RNF180: variants seen among roughly 807,000 people sequenced by gnomAD.
The protein encoded by RNF180 is E3 ubiquitin-protein ligase RNF180.
RNF180 carries 38 observed loss-of-function variants against 59.2 expected under a neutral mutation model. That is an observed-to-expected ratio of 0.64 (90% confidence interval 0.50 to 0.84). RNF180 has a LOEUF of 0.84. RNF180 is among the 40% of genes least tolerant of loss of function. The pLI, the probability that RNF180 is intolerant of heterozygous loss-of-function variation, is 0.00. For synonymous variants in RNF180, 262 were observed against 240.3 expected (o/e 1.09, Z -0.84); for missense variants, 705 against 700.9 (o/e 1.01, Z -0.07).
chr5:64,169,243 A>C (rs1749811677), intron 1 of RNF180, among the ~76,000 whole-genome samples: 1 of 152,176 alleles, frequency 6.6e-6, no homozygotes, highest in Admixed American at 6.5e-5. Flanking sequence ...TCCTGTTGTA[A>C]ATATTATTTA....
chr5:64,330,497 G>C (rs1429297368), intron 7 of RNF180, 91 bp downstream of exon 7: 9 of 1,178,142 alleles, frequency 7.6e-6, no homozygotes, highest in Non-Finnish European at 1.1e-5. Flanking sequence ...GAAATATTAG[G>C]GGAAACATAT....
At chr5:64,288,608 C>T (rs986321897) in intron 5 of RNF180, among the ~76,000 whole-genome samples, 1 of 152,144 alleles carries the variant, frequency 6.6e-6, no homozygotes, top group East Asian at 1.9e-4. Context: ...AAGTCCTTCA[C>T]GTCCCTTGTT....
intron 5 of RNF180, among the ~76,000 whole-genome samples, chr5:64,323,803 A>G (rs1278923288): frequency 3.3e-5 from 5 of 152,170 alleles, no homozygotes; most frequent in East Asian, 1.9e-4. Flanking sequence ...CCTCACAGCA[A>G]TTTCACAAAT....
rs1477955091 is a variant in RNF180, at chr5:64,346,645, C to G, written c.1579+16239C>G. 2.0e-5 allele frequency among the ~76,000 whole-genome samples: 3 copies of G among 152,200 alleles called. No individual in the cohort carries two copies. In the East Asian group the frequency reaches 5.8e-4, roughly 30 times the overall value. ...TCGGCCTCCCAAAGTGCTGGGATTACAAGCATGAGCCACTGTCCCTGGCCT... is the reference window on the plus strand; with the variant it reads ...TCGGCCTCCCAAAGTGCTGGGATTAGAAGCATGAGCCACTGTCCCTGGCCT... On this transcript the variant is annotated intron_variant, in intron 7 of 7. Coordinates refer to ENST00000389100, the MANE Select transcript of RNF180 (RefSeq NM_001113561.2).
At position 64,325,218 on chromosome 5, in the gene RNF180, CAATG is replaced by C. The variant is rs760190394; in HGVS notation, c.1264_1267del (p.Glu422MetfsTer64). On this transcript the variant is annotated frameshift_variant, in exon 6 of 8. Transcript: ENST00000389100. LOFTEE classifies it high-confidence loss of function. ...ATAATGAGATGAGTACAGATGAAGA[CAATG>C]AATATGCAGAAGAAAAGGATAGCTA... 1 of 1,551,024 alleles carries C rather than the reference CAATG, an allele frequency of 6.4e-7. No homozygotes were observed. Among genetic ancestry groups the C allele is most frequent in the African/African-American group, 1.4e-5 (1 of 73,008 alleles).
intron 7 of RNF180, among the ~76,000 whole-genome samples, chr5:64,356,155 G>A (rs1746016010): frequency 6.6e-6 from 1 of 151,762 alleles, no homozygotes; most frequent in African/African-American, 2.4e-5. Context: ...AACTACTTGG[G>A]AGGCTGACAT....
intron 5 of RNF180, among the ~76,000 whole-genome samples, chr5:64,226,177 A>G (rs1055296858): frequency 1.2e-4 from 19 of 152,246 alleles, no homozygotes; most frequent in Admixed American, 1.0e-3. Flanking sequence ...AGAGGCAGCG[A>G]CCATCGAGAA....
Position 64,177,901 on chromosome 5 carries a change from A to G in RNF180, c.-1+11948A>G, listed in dbSNP as rs560472630. ...GACCATTACTGAAACCCACATGGAA[A>G]CTATGTAGAAAAGGCTGCCTGGGGC... On this transcript the variant is annotated intron_variant, in intron 1 of 7. Coordinates refer to ENST00000389100, the MANE Select transcript of RNF180 (RefSeq NM_001113561.2). 1.9e-4 allele frequency among the ~76,000 whole-genome samples: 29 copies of G among 152,194 alleles called. No homozygotes were observed. In the South Asian group the frequency reaches 6.0e-3, roughly 32 times the overall value.
chr5:64,189,381 G>T (rs1248771803), intron 1 of RNF180, among the ~76,000 whole-genome samples: 1 of 152,200 alleles, frequency 6.6e-6, no homozygotes. Flanking sequence ...TAGGAATGTG[G>T]ATGTTAAAGG....
rs1472460369 is a variant in RNF180, at chr5:64,213,906, A to T, written c.580A>T (p.Lys194Ter). 6.2e-7 allele frequency: 1 copy of T among 1,613,974 alleles called. No homozygotes were observed. The highest frequency in any genetic ancestry group is 8.5e-7 in the Non-Finnish European group (1 of 1,180,020). ...LEVRPTYFEM[K>*]NEKLLSKASE... ...GGTGCGACCAACATATTTTGAGATG[A>T]AGAACGAAAAACTGCTGTCCAAAGC... is the stretch of plus-strand genomic sequence containing the variant. The change falls in exon 4 of 8, where the codon AAG becomes TAG. Residue 194 changes from lysine (K) to a stop codon, truncating the protein, a stop_gained. Transcript: ENST00000389100. LOFTEE classifies it high-confidence loss of function.
intron 5 of RNF180, among the ~76,000 whole-genome samples, chr5:64,275,250 C>T (rs565820061): frequency 1.3e-5 from 2 of 150,600 alleles, no homozygotes; most frequent in East Asian, 2.0e-4. Context: ...TTTCCCATGA[C>T]ATAATGTGGA....
intron 1 of RNF180, among the ~76,000 whole-genome samples, chr5:64,182,119 T>G (rs1040475340): frequency 6.6e-6 from 1 of 150,872 alleles, no homozygotes; most frequent in Admixed American, 6.6e-5. Flanking sequence ...GCCTCCCGAG[T>G]AGCTGGGACT....
intron 5 of RNF180, among the ~76,000 whole-genome samples, chr5:64,293,130 C>T (rs998929616): frequency 2.0e-5 from 3 of 152,212 alleles, no homozygotes; most frequent in Non-Finnish European, 4.4e-5. Flanking sequence ...AGCTCCTGAT[C>T]TGTGGGTTGC....
intron 2 of RNF180, among the ~76,000 whole-genome samples, chr5:64,201,605 C>T (rs1416144550): frequency 6.6e-6 from 1 of 152,178 alleles, no homozygotes; most frequent in South Asian, 2.1e-4. Context: ...GGGAGACATA[C>T]TCAGCTTTTT....
intron 5 of RNF180, among the ~76,000 whole-genome samples, chr5:64,320,933 G>C (rs1313332753): frequency 2.0e-5 from 3 of 152,152 alleles, no homozygotes; most frequent in African/African-American, 7.2e-5. Context: ...AGCCACTCGG[G>C]AGGCTGAGGC....
chr5:64,292,016 G>T (rs1742616275), intron 5 of RNF180, among the ~76,000 whole-genome samples: 1 of 151,892 alleles, frequency 6.6e-6, no homozygotes, highest in African/African-American at 2.4e-5. Flanking sequence ...GGTTTTTCTG[G>T]TTATCAACTC....
At chr5:64,177,130 TG>T (rs1271568608) in intron 1 of RNF180, among the ~76,000 whole-genome samples, 1 of 152,202 alleles carries the variant, frequency 6.6e-6, no homozygotes, top group Non-Finnish European at 1.5e-5. Flanking sequence ...AATAGATATT[TG>T]TATAGCTACA....
chr5:64,249,009 A>G (rs956173491), intron 5 of RNF180, among the ~76,000 whole-genome samples: 4 of 152,202 alleles, frequency 2.6e-5, no homozygotes, highest in African/African-American at 9.6e-5. Context: ...CAGGAATAGA[A>G]AACCAAACAC....
rs530706552 is a variant in RNF180, at chr5:64,344,085, A to G, written c.1579+13679A>G. Among the ~76,000 whole-genome samples the G allele has an allele frequency of 2.0e-5, 3 of 152,078 alleles. No homozygotes were observed. The South Asian group carries it at 6.2e-4, about 32-fold the overall frequency. ...AGCCAAACTGCTGAAACCCAAATAT[A>G]AAGAAAAAAATCTTAAAAACATCTA... is the stretch of plus-strand genomic sequence containing the variant. On this transcript the variant is annotated intron_variant, in intron 7 of 7. Transcript: ENST00000389100.
Sources: gnomAD v4.1 joint callset for allele counts (sites outside exome capture counted in the v4.1 genomes callset) on GRCh38, gnomAD v4.1.1 for gene constraint, MANE v1.5 for transcripts, NCBI Gene and HGNC (gene_info 2026-07-23, HGNC 2026-07-21) for gene names.